The following GRK5 variants were observed in gnomAD, a reference collection of about 807,000 sequenced individuals.
The protein encoded by GRK5 is G protein-coupled receptor kinase 5.
A neutral mutation model predicts 78.4 loss-of-function variants in GRK5; 40 were observed. The ratio of observed to expected loss-of-function variants is 0.51; its 90% CI spans 0.40 to 0.66. GRK5 has a LOEUF of 0.66. Ranked by LOEUF, GRK5 falls within the 30% of genes least tolerant of loss-of-function variation. GRK5 has a pLI of 0.00. For synonymous variants in GRK5, 289 were observed against 296.8 expected (o/e 0.97, Z 0.27); for missense variants, 598 against 759.9 (o/e 0.79, Z 2.50).
At chr10:119,275,221 C>T (rs973248158) in intron 1 of GRK5, among the ~76,000 whole-genome samples, 101 of 152,222 alleles carry the variant, frequency 6.6e-4, no homozygotes, top group Middle Eastern at 3.4e-3. Context: ...ACGGGATAAG[C>T]GCCTGGAGTA....
At position 119,207,867 on chromosome 10, in the gene GRK5, C is replaced by T. The variant is rs746493368; in HGVS notation, c.-51C>T. On this transcript the variant is annotated 5_prime_UTR_variant, in exon 1 of 16. Coordinates refer to ENST00000392870, the MANE Select transcript of GRK5 (RefSeq NM_005308.3). ...AGCGGCAGCAGCAGCGGCAGCACCC[C>T]AGGCGCTGACAGCCCCGCCGGCCGG... 6.5e-7 allele frequency: 1 copy of T among 1,533,064 alleles called. No homozygotes were observed. Among genetic ancestry groups the T allele is most frequent in the South Asian group, 1.2e-5 (1 of 84,186 alleles). The allele number at this position is 1,533,064 out of a possible 1,614,324, so 95.0% of individuals were successfully genotyped here.
rs748678566 is a variant in GRK5 at position 119,396,774 on chromosome 10, T to A, written c.339+2T>A. ...ATGACCAAGTACCTCACCCCAAAGG[T>A]AAGGAGTCTTCCAAACCCCACAGCA... On this transcript the variant is annotated splice_donor_variant, in intron 4 of 15. Coordinates refer to ENST00000392870, the MANE Select transcript of GRK5 (RefSeq NM_005308.3). LOFTEE classifies it high-confidence loss of function. 6.2e-7 allele frequency: 1 copy of A among 1,611,894 alleles called. No homozygotes were observed. The highest frequency in any genetic ancestry group is 8.5e-7 in the Non-Finnish European group (1 of 1,178,042).
intron 1 of GRK5, among the ~76,000 whole-genome samples, chr10:119,210,350 C>G (rs928625941): frequency 1.3e-5 from 2 of 152,304 alleles, no homozygotes; most frequent in Admixed American, 1.3e-4. Flanking sequence ...TCTCTTATGC[C>G]TAGAGGAAAG....
intron 3 of GRK5, among the ~76,000 whole-genome samples, chr10:119,395,618 C>T (rs1418381860): frequency 6.6e-6 from 1 of 152,220 alleles, no homozygotes; most frequent in Non-Finnish European, 1.5e-5. Context: ...GGGCCGCTTA[C>T]TCAGGCTTTT....
At chr10:119,209,293 A>G (rs368003670) in intron 1 of GRK5, among the ~76,000 whole-genome samples, 1 of 152,192 alleles carries the variant, frequency 6.6e-6, no homozygotes, top group East Asian at 1.9e-4. Flanking sequence ...TTGTCACTCT[A>G]AAGCAGCCAG....
chr10:119,308,744 G>A (rs751427589), intron 1 of GRK5, among the ~76,000 whole-genome samples: 15 of 152,244 alleles, frequency 9.9e-5, no homozygotes, highest in Non-Finnish European at 1.5e-4. Flanking sequence ...GCTCAGGCCT[G>A]CCCTCGCTCC....
At chr10:119,274,587 G>C (rs964829426) in intron 1 of GRK5, among the ~76,000 whole-genome samples, 2 of 152,210 alleles carry the variant, frequency 1.3e-5, no homozygotes, top group African/African-American at 2.4e-5. Flanking sequence ...TTTGGTGTTT[G>C]TTCCATTCAG....
At chr10:119,427,399 T>A (rs868394900) in intron 6 of GRK5, among the ~76,000 whole-genome samples, 4 of 125,386 alleles carry the variant, frequency 3.2e-5, no homozygotes, top group African/African-American at 1.3e-4. Flanking sequence ...TCAGCATCAC[T>A]GCCATCAACA....
At chr10:119,241,655 C>T (rs920761010) in intron 1 of GRK5, among the ~76,000 whole-genome samples, 5 of 152,126 alleles carry the variant, frequency 3.3e-5, no homozygotes, top group African/African-American at 7.2e-5. Context: ...CTGAGACAGT[C>T]GGGGTGGCTG....
At chr10:119,390,787 T>G (rs1308789546) in intron 3 of GRK5, among the ~76,000 whole-genome samples, 1 of 152,064 alleles carries the variant, frequency 6.6e-6, no homozygotes, top group African/African-American at 2.4e-5. Flanking sequence ...CATGATTCAA[T>G]TACCTCCCAC....
At chr10:119,432,599 G>A (rs923644507) in intron 8 of GRK5, among the ~76,000 whole-genome samples, 6 of 152,184 alleles carry the variant, frequency 3.9e-5, no homozygotes, top group Non-Finnish European at 8.8e-5. Context: ...ATTATTCTTA[G>A]CCAATGGGAT....
intron 4 of GRK5, among the ~76,000 whole-genome samples, chr10:119,418,225 G>C (rs1352110977): frequency 1.3e-5 from 2 of 152,208 alleles, no homozygotes; most frequent in Non-Finnish European, 2.9e-5. Flanking sequence ...GGTGAAGGGG[G>C]CTTTTATACA....
At chr10:119,365,323 C>G (rs1011749275) in intron 2 of GRK5, among the ~76,000 whole-genome samples, 6 of 152,174 alleles carry the variant, frequency 3.9e-5, no homozygotes, top group Non-Finnish European at 8.8e-5. Flanking sequence ...ATGCATGAGG[C>G]ATGTTGCTTT....
intron 3 of GRK5, among the ~76,000 whole-genome samples, chr10:119,394,103 G>A (rs1455612028): frequency 9.0e-5 from 6 of 66,842 alleles, no homozygotes; most frequent in East Asian, 3.4e-4. Context: ...GTGTGTCTGC[G>A]TCTGTGTGGG....
At chr10:119,259,150 C>T (rs565528936) in intron 1 of GRK5, among the ~76,000 whole-genome samples, 7 of 151,548 alleles carry the variant, frequency 4.6e-5, no homozygotes, top group South Asian at 2.1e-4. Context: ...CTGCAAGCTC[C>T]GTCTCCCAGG....
intron 2 of GRK5, among the ~76,000 whole-genome samples, chr10:119,354,681 T>C (rs73451615): frequency 0.053 from 8,118 of 152,252 alleles, 498 homozygotes; most frequent in African/African-American, 0.15. Flanking sequence ...GGATTGCAGC[T>C]GCACCCAGCC....
At chr10:119,448,053 T>A in intron 12 of GRK5, 70 bp from the exon 13 acceptor site, 3 of 1,470,652 alleles carry the variant, frequency 2.0e-6, no homozygotes, top group Non-Finnish European at 2.7e-6. Flanking sequence ...GTGCAGACAC[T>A]GTGGAGGCAG....
At chr10:119,432,508 C>T (rs1487338163) in intron 8 of GRK5, among the ~76,000 whole-genome samples, 1 of 152,166 alleles carries the variant, frequency 6.6e-6, no homozygotes, top group East Asian at 1.9e-4. Flanking sequence ...ATTTAAACAG[C>T]ACAGAAGGAT....
chr10:119,364,176 C>G (rs1851409358), intron 2 of GRK5, among the ~76,000 whole-genome samples: 1 of 152,188 alleles, frequency 6.6e-6, no homozygotes, highest in Non-Finnish European at 1.5e-5. Context: ...AGGGAGCCAG[C>G]CTTGCAGATC....
Sources: gnomAD v4.1 joint callset for allele counts (sites outside exome capture counted in the v4.1 genomes callset) on GRCh38, gnomAD v4.1.1 for gene constraint, MANE v1.5 for transcripts, NCBI Gene and HGNC (gene_info 2026-07-23, HGNC 2026-07-21) for gene names.